CRPPA: variants seen among roughly 807,000 people sequenced by gnomAD.
CRPPA encodes the protein D-ribitol-5-phosphate cytidylyltransferase.
A neutral mutation model predicts 52.0 loss-of-function variants in CRPPA; 43 were observed. That is an observed-to-expected ratio of 0.83 (90% CI 0.65 to 1.07). The LOEUF is 1.07. Among genes scored for constraint, CRPPA ranks in the 50% least tolerant of loss-of-function variants. The pLI, the probability that CRPPA is intolerant of heterozygous loss-of-function variation, is 0.00. For synonymous variants in CRPPA, 250 were observed against 203.5 expected (o/e 1.23, Z -1.94); for missense variants, 629 against 551.7 (o/e 1.14, Z -1.40).
chr7:16,398,239 GTGACCA>G (rs1787670450), intron 2 of CRPPA, among the ~76,000 whole-genome samples: 1 of 151,864 alleles, frequency 6.6e-6, no homozygotes, highest in African/African-American at 2.4e-5. Flanking sequence ...TGACTGACAC[GTGACCA>G]ACACGTGACT....
At chr7:16,301,614 T>A in intron 4 of CRPPA, 148 bp from the exon 5 acceptor site, 1 of 541,872 alleles carries the variant, frequency 1.8e-6, no homozygotes, top group African/African-American at 1.9e-5. Context: ...CATCAGCAAA[T>A]TCACATAAAA....
At chr7:16,397,929 G>C (rs183599842) in intron 2 of CRPPA, among the ~76,000 whole-genome samples, 1 of 152,178 alleles carries the variant, frequency 6.6e-6, no homozygotes, top group East Asian at 1.9e-4. Flanking sequence ...CAACTGGCAG[G>C]TGATTGACAC....
chr7:16,090,198 C>A lies in CRPPA; in HGVS notation c.*1497G>T, dbSNP rs1472854497. ...GCAGGCCCAGGAATTTAGATACAAG[C>A]CTACATTCAAATAACACATTTCAAT... On this transcript the variant is annotated 3_prime_UTR_variant, in exon 10 of 10. Coordinates refer to ENST00000407010, the MANE Select transcript of CRPPA (RefSeq NM_001101426.4). 6.6e-6 allele frequency: 1 copy of A among 151,980 alleles called. No homozygotes were observed. The highest frequency in any genetic ancestry group is 2.4e-5 in the African/African-American group (1 of 41,364). The allele number at this position is 151,980 out of a possible 1,614,324, so 9.4% of individuals were successfully genotyped here. A position where few individuals can be genotyped will look rare whatever the true frequency, so the allele number is the denominator to read the frequency against.
At chr7:16,366,774 A>AG (rs1397613539) in intron 3 of CRPPA, among the ~76,000 whole-genome samples, 1 of 151,514 alleles carries the variant, frequency 6.6e-6, no homozygotes, top group Non-Finnish European at 1.5e-5. Flanking sequence ...ATTAAAAAAA[A>AG]AAAGGCAAGA....
At chr7:16,183,513 C>T (rs1409260327) in intron 9 of CRPPA, among the ~76,000 whole-genome samples, 2 of 152,144 alleles carry the variant, frequency 1.3e-5, no homozygotes, top group Non-Finnish European at 2.9e-5. Flanking sequence ...TCTTTGGATA[C>T]AGATTTCTCA....
chr7:16,170,667 G>T (rs981431266), intron 9 of CRPPA, among the ~76,000 whole-genome samples: 1 of 152,248 alleles, frequency 6.6e-6, no homozygotes, highest in Non-Finnish European at 1.5e-5. Flanking sequence ...GGGCGGGGGA[G>T]AGAGGGAGCA....
chr7:16,214,680 C>CT (rs1318290862), intron 9 of CRPPA, among the ~76,000 whole-genome samples: 1 of 152,150 alleles, frequency 6.6e-6, no homozygotes, highest in Non-Finnish European at 1.5e-5. Context: ...AATTTTTTAA[C>CT]TTTTTTGTAG....
chr7:16,329,173 C>T (rs117702124), intron 3 of CRPPA, among the ~76,000 whole-genome samples: 8 of 152,234 alleles, frequency 5.3e-5, no homozygotes, highest in Middle Eastern at 6.8e-3. Flanking sequence ...AGAGGCAAGT[C>T]GGGCTTGTTC....
At chr7:16,245,280 T>C (rs1401528842) in intron 8 of CRPPA, among the ~76,000 whole-genome samples, 1 of 152,260 alleles carries the variant, frequency 6.6e-6, no homozygotes, top group South Asian at 2.1e-4. Flanking sequence ...GTGATATATC[T>C]AGATTTAAGA....
At chr7:16,406,421 G>A in intron 1 of CRPPA, 84 bp from the exon 2 acceptor site, 1 of 1,196,624 alleles carries the variant, frequency 8.4e-7, no homozygotes, top group South Asian at 1.5e-5. Flanking sequence ...ACTAGTATTG[G>A]TATATTTAAA....
intron 3 of CRPPA, among the ~76,000 whole-genome samples, chr7:16,360,679 A>G (rs1786419730): frequency 6.6e-6 from 1 of 152,232 alleles, no homozygotes; most frequent in Admixed American, 6.5e-5. Context: ...CCATATGCAC[A>G]TGAATGAATT....
In CRPPA at chr7:16,199,120, T is replaced by C. The variant is rs1330152373; in HGVS notation, c.1251+16946A>G. On this transcript the variant is annotated intron_variant, in intron 9 of 9. Coordinates refer to ENST00000407010, the MANE Select transcript of CRPPA (RefSeq NM_001101426.4). ...CAGACTTCCAATACATTGAGAAGCA[T>C]TGACCTGGACCCCTGACGGCTAGTT... 2.4e-4 allele frequency among the ~76,000 whole-genome samples: 37 copies of C among 152,204 alleles called. 1 individual carries two copies. The highest frequency in any genetic ancestry group is 2.4e-3 in the Admixed American group (37 of 15,278).
At chr7:16,345,928 C>T (rs1786003671) in intron 3 of CRPPA, among the ~76,000 whole-genome samples, 1 of 152,162 alleles carries the variant, frequency 6.6e-6, no homozygotes, top group Non-Finnish European at 1.5e-5. Context: ...TTTGTTTACT[C>T]ATTGCTGAAT....
intron 9 of CRPPA, among the ~76,000 whole-genome samples, chr7:16,139,354 G>A (rs1005511141): frequency 1.6e-4 from 25 of 152,078 alleles, no homozygotes; most frequent in Admixed American, 1.5e-3. Flanking sequence ...GCCAGAATTT[G>A]TCTAAGGTTT....
chr7:16,328,568 G>C (rs1785470398), intron 3 of CRPPA, among the ~76,000 whole-genome samples: 1 of 152,148 alleles, frequency 6.6e-6, no homozygotes, highest in African/African-American at 2.4e-5. Context: ...AGGCAGGAGT[G>C]CAGTGGTGTG....
At position 16,257,486 on chromosome 7, in the gene CRPPA, T is replaced by C. The variant is rs926846127; in HGVS notation, c.1119+904A>G. On this transcript the variant is annotated intron_variant, in intron 8 of 9. Coordinates refer to ENST00000407010, the MANE Select transcript of CRPPA (RefSeq NM_001101426.4). ...GATGCAACCATGAAAGTTATCTTTA[T>C]GGTATATGACCAAATAAAGAGGCCA... Among the ~76,000 whole-genome samples the C allele has an allele frequency of 2.1e-4, 32 of 152,158 alleles. 1 individual carries two copies. Among genetic ancestry groups the C allele is most frequent in the Admixed American group, 1.3e-4 (2 of 15,244 alleles).
chr7:16,203,446 G>A (rs191225331), intron 9 of CRPPA, among the ~76,000 whole-genome samples: 25 of 152,256 alleles, frequency 1.6e-4, no homozygotes, highest in Admixed American at 7.2e-4. Flanking sequence ...GGCTTAATCA[G>A]AGTTAGAACT....
chr7:16,259,081 G>A (rs1236752147), intron 6 of CRPPA, 69 bp from the exon 7 acceptor site: 3 of 1,108,738 alleles, frequency 2.7e-6, no homozygotes, highest in South Asian at 1.4e-5. Context: ...TGTTACAAAG[G>A]AACACATAAT....
At chr7:16,394,309 C>G (rs887231792) in intron 2 of CRPPA, among the ~76,000 whole-genome samples, 5 of 152,074 alleles carry the variant, frequency 3.3e-5, no homozygotes, top group African/African-American at 1.2e-4. Context: ...GCTGAGTAGA[C>G]TTATATGAAT....
Sources: gnomAD v4.1 joint callset for allele counts (sites outside exome capture counted in the v4.1 genomes callset) on GRCh38, gnomAD v4.1.1 for gene constraint, MANE v1.5 for transcripts, NCBI Gene and HGNC (gene_info 2026-07-23, HGNC 2026-07-21) for gene names.